The following LAMB1 variants were observed in gnomAD, a reference collection of about 807,000 sequenced individuals.
LAMB1 encodes the protein laminin subunit beta-1.
In LAMB1, 121 loss-of-function variants were observed where a neutral mutation model predicts 222.3. The observed-to-expected ratio is 0.54, with a 90% CI of 0.47 to 0.63. The LOEUF (loss-of-function observed/expected upper bound fraction) is 0.63, where lower values mean the gene tolerates loss of function less well. Among genes scored for constraint, LAMB1 ranks in the 30% least tolerant of loss-of-function variants. The probability of loss-of-function intolerance (pLI) is 0.00; values close to 1 mark genes in which losing one functional copy is unlikely to be tolerated. For missense variants in LAMB1, 2,172 were observed against 2,240.8 expected (o/e 0.97, Z 0.62); for synonymous variants, 794 against 807.2 (o/e 0.98, Z 0.28).
At chr7:107,932,452 G>T (rs2032737080) in intron 27 of LAMB1, 75 bp from the exon 28 acceptor site, 1 of 1,460,772 alleles carries the variant, frequency 6.8e-7, no homozygotes, top group African/African-American at 1.4e-5. Context: ...TGCAGGGCCT[G>T]GGTGGCCCCA....
intron 22 of LAMB1, 47 bp from the exon 23 acceptor site, chr7:107,952,270 C>A (rs751310829): frequency 8.5e-6 from 12 of 1,418,534 alleles, no homozygotes; most frequent in Admixed American, 7.6e-5. Context: ...CCCAAATACA[C>A]AGGCATGCGG....
At chr7:107,992,957 T>TAGGTATTATTCCTCTTCCC (rs1291514161) in intron 5 of LAMB1, among the ~76,000 whole-genome samples, 18 of 152,112 alleles carry the variant, frequency 1.2e-4, no homozygotes, top group African/African-American at 4.3e-4. Context: ...TCCTATGATG[T>TAGGTATTATTCCTCTTCCC]AGGTATTATT....
At chr7:107,936,001 G>C (rs369630130) in intron 26 of LAMB1, among the ~76,000 whole-genome samples, 24 of 152,116 alleles carry the variant, frequency 1.6e-4, no homozygotes, top group African/African-American at 5.8e-4. Flanking sequence ...TCCTTTATTC[G>C]GATCCACTCA....
chr7:107,970,266 C>A (rs756945211), intron 13 of LAMB1, among the ~76,000 whole-genome samples: 2 of 152,086 alleles, frequency 1.3e-5, no homozygotes, highest in Non-Finnish European at 2.9e-5. Context: ...GCAGACAGAT[C>A]ACTTGAGGGT....
intron 5 of LAMB1, among the ~76,000 whole-genome samples, chr7:107,993,624 T>C (rs2034227875): frequency 6.6e-6 from 1 of 152,164 alleles, no homozygotes. Context: ...AGATGCCCTC[T>C]GCAAAGGAAA....
chr7:107,975,267 C>A lies in LAMB1; in HGVS notation c.1336G>T (p.Asp446Tyr). 6.2e-7 allele frequency: 1 copy of A among 1,614,086 alleles called. No individual in the cohort carries two copies. Among genetic ancestry groups the A allele is most frequent in the South Asian group, 1.1e-5 (1 of 91,018 alleles). The change falls in exon 11 of 34, where the codon GAT becomes TAT. Residue 446 changes from aspartate to tyrosine, a missense_variant. Coordinates refer to ENST00000222399, the MANE Select transcript of LAMB1 (RefSeq NM_002291.3). ...HCDVCKEGFY[D>Y]LSSEDPFGCK... ...CCAAATGGATCTTCACTGCTTAAATCATAGAAGCCTTCTTTGCAAACATCA... is the reference window on the plus strand; with the variant it reads ...CCAAATGGATCTTCACTGCTTAAATAATAGAAGCCTTCTTTGCAAACATCA...
intron 29 of LAMB1, among the ~76,000 whole-genome samples, chr7:107,930,975 T>G (rs1359223399): frequency 6.6e-6 from 1 of 152,210 alleles, no homozygotes; most frequent in East Asian, 1.9e-4. Flanking sequence ...CACTCTTAAC[T>G]AACTATAGGT....
chr7:107,998,305 C>T, intron 4 of LAMB1, 52 bp downstream of exon 4: 1 of 1,589,316 alleles, frequency 6.3e-7, no homozygotes, highest in Non-Finnish European at 8.6e-7. Context: ...GTAAGCTCCA[C>T]CCAAGTTATC....
At chr7:107,946,068 G>C (rs1001329001) in intron 24 of LAMB1, among the ~76,000 whole-genome samples, 3 of 152,078 alleles carry the variant, frequency 2.0e-5, no homozygotes, top group East Asian at 1.9e-4. Context: ...CCTCCTTTTT[G>C]TTGGAAACTT....
chr7:107,988,872 G>A (rs2034130941), intron 5 of LAMB1, among the ~76,000 whole-genome samples: 1 of 152,290 alleles, frequency 6.6e-6, no homozygotes, highest in Non-Finnish European at 1.5e-5. Context: ...GAGATTCCTA[G>A]CCTATGGAAC....
intron 24 of LAMB1, among the ~76,000 whole-genome samples, chr7:107,947,120 C>T (rs1231781481): frequency 6.6e-6 from 1 of 152,162 alleles, no homozygotes; most frequent in Non-Finnish European, 1.5e-5. Flanking sequence ...CCTCTCCATC[C>T]CAGCACAGTG....
At chr7:107,998,552 T>TA (rs1419715671) in intron 3 of LAMB1, 60 bp from the exon 4 acceptor site, 9 of 1,451,410 alleles carry the variant, frequency 6.2e-6, no homozygotes, top group Middle Eastern at 3.6e-4. Flanking sequence ...CATTTTTAAT[T>TA]AAAAAAACCC....
At chr7:107,937,306 A>C in intron 25 of LAMB1, 29 bp from the exon 26 acceptor site, 1 of 1,584,174 alleles carries the variant, frequency 6.3e-7, no homozygotes, top group Non-Finnish European at 8.6e-7. Context: ...GCTTACTTAC[A>C]TAAAATAAAC....
intron 12 of LAMB1, 148 bp from the exon 13 acceptor site, chr7:107,973,219 T>G (rs2033784484): frequency 5.6e-6 from 4 of 708,990 alleles, no homozygotes. Flanking sequence ...GGAAGGAGTA[T>G]TCTGAAATCA....
rs761702328 is a variant in LAMB1 at position 107,935,382 on chromosome 7, C to T, written c.4188+33G>A. On this transcript the variant is annotated intron_variant, in intron 27 of 33. Transcript: ENST00000222399. ...TTTTTTTTTTTTTTTTTGCTTGGCA[C>T]CATAGCAGTAAGGCCACATCCCCAA... 7 of 1,133,014 alleles carry T rather than the reference C, an allele frequency of 6.2e-6. No homozygotes were observed. In the African/African-American group the frequency reaches 9.6e-5, roughly 16 times the overall value. 70.2% of individuals were successfully genotyped at this position (1,133,014 alleles called of 1,614,324 possible). A position where few individuals can be genotyped will look rare whatever the true frequency, so the allele number is the denominator to read the frequency against.
intron 14 of LAMB1, 29 bp from the exon 15 acceptor site, chr7:107,963,092 T>C (rs1484812169): frequency 6.5e-7 from 1 of 1,544,838 alleles, no homozygotes; most frequent in Non-Finnish European, 8.8e-7. Flanking sequence ...ATGGTTATTC[T>C]GTATTTGAAA....
intron 13 of LAMB1, among the ~76,000 whole-genome samples, chr7:107,968,027 A>G (rs2150434137): frequency 6.6e-6 from 1 of 152,094 alleles, no homozygotes; most frequent in Admixed American, 6.6e-5. Context: ...GTGATGGGGG[A>G]ATGTGGGCAG....
Position 107,926,334 on chromosome 7 carries a change from T to C in LAMB1, c.4913A>G (p.Glu1638Gly). Residue 1638 changes from glutamate (E) to glycine (G), a missense_variant, in exon 32 of 34, where the codon GAG becomes GGG. By Grantham distance (98) the Glu-to-Gly change is moderately conservative. Transcript: ENST00000222399. ...TSIESETAAS[E>G]ETLFNASQRI... ...CTGGGACGCGTTGAACAAGGTTTCC[T>C]CAGAAGCTGCTGTTTCAGACTCAAT... 1 of 1,613,908 alleles carries C rather than the reference T, an allele frequency of 6.2e-7. No homozygotes were observed. The highest frequency in any genetic ancestry group is 8.5e-7 in the Non-Finnish European group (1 of 1,179,834).
intron 13 of LAMB1, 24 bp downstream of exon 13, chr7:107,972,966 AAG>A: frequency 6.4e-7 from 1 of 1,564,706 alleles, no homozygotes; most frequent in Non-Finnish European, 8.8e-7. Flanking sequence ...GACTGAGGAC[AAG>A]AGCATACGTA....
Sources: allele counts gnomAD v4.1 joint callset (sites outside exome capture counted in the v4.1 genomes callset), GRCh38; gene constraint gnomAD v4.1.1; transcripts MANE v1.5; gene names NCBI Gene and HGNC (gene_info 2026-07-23, HGNC 2026-07-21).